Variants in INTS6 observed in about 807,000 individuals in gnomAD.
INTS6 encodes integrator complex subunit 6.
In INTS6, 16 loss-of-function variants were observed where a neutral mutation model predicts 104.9. That is an observed-to-expected ratio of 0.15 (90% CI 0.10 to 0.23). INTS6 has a LOEUF of 0.23. INTS6 is among the 10% of genes least tolerant of loss of function. The probability of loss-of-function intolerance (pLI) is 1.00; values close to 1 mark genes in which losing one functional copy is unlikely to be tolerated. For missense variants in INTS6, 584 were observed against 1,062.8 expected, an observed-to-expected ratio of 0.55 and a Z score of 6.26; for synonymous variants, 324 against 358.7, an observed-to-expected ratio of 0.90 and a Z score of 1.09.
intron 4 of INTS6, among the ~76,000 whole-genome samples, chr13:51,426,279 A>G (rs193054457): frequency 1.3e-5 from 2 of 152,178 alleles, no homozygotes; most frequent in Admixed American, 1.3e-4. Flanking sequence ...AGTTATAAGA[A>G]ATTGGTTCAT....
At chr13:51,440,503 C>T (rs1338748365) in intron 3 of INTS6, 2 of 152,110 alleles carry the variant, frequency 1.3e-5, no homozygotes, top group Non-Finnish European at 2.9e-5. Flanking sequence ...TGTACTGTCC[C>T]AGGCCTTCAC....
chr13:51,388,887 A>T (rs1047293959), intron 6 of INTS6, among the ~76,000 whole-genome samples: 3 of 87,028 alleles, frequency 3.4e-5, no homozygotes, highest in African/African-American at 2.7e-4. Context: ...CTGGTTCCTC[A>T]TTTTTGACCC....
chr13:51,389,459 AAG>A lies in INTS6; in HGVS notation c.614-17_614-16del. 5 of 1,428,100 alleles carry A rather than the reference AAG, an allele frequency of 3.5e-6. No homozygotes were observed. The highest frequency in any genetic ancestry group is 2.3e-5 in the Admixed American group (1 of 43,200). The allele number at this position is 1,428,100 out of a possible 1,614,324, so 88.5% of individuals were successfully genotyped here. A position where few individuals can be genotyped will look rare whatever the true frequency, so the allele number is the denominator to read the frequency against. On this transcript the variant is annotated splice_polypyrimidine_tract_variant and intron_variant, in intron 5 of 17. Coordinates refer to ENST00000311234, the MANE Select transcript of INTS6 (RefSeq NM_012141.3). ...ATATGAACGGCCTGAGATTAAAAAA[AAG>A]AAGAAGAAGAAGAAGAAGAATATAG...
At chr13:51,344,466 G>A in the INTS6 span, 1 of 1,590,896 alleles carries the variant, frequency 6.3e-7, no homozygotes, top group Non-Finnish European at 8.6e-7. Context: ...CTAGCGAAGG[G>A]GCCTCCAGAG....
chr13:51,373,147 C>T (rs550862614), intron 15 of INTS6, among the ~76,000 whole-genome samples: 5 of 151,278 alleles, frequency 3.3e-5, no homozygotes, highest in Non-Finnish European at 5.9e-5. Flanking sequence ...TTTCTCTGTC[C>T]CCTGTATTTC....
chr13:51,415,526 G>A (rs547917003), intron 4 of INTS6, among the ~76,000 whole-genome samples: 1 of 152,160 alleles, frequency 6.6e-6, no homozygotes, highest in East Asian at 1.9e-4. Flanking sequence ...TTAAAAACAG[G>A]AAGTTTCCCT....
chr13:51,365,780 T>C lies in INTS6; in HGVS notation c.2636A>G (p.Asn879Ser), dbSNP rs376986373. 133 of 1,598,432 alleles carry C rather than the reference T, an allele frequency of 8.3e-5. 1 individual carries two copies. The Middle Eastern group carries it at 9.1e-4, about 11-fold the overall frequency. ...NFLDEIHRRA[N>S]QINHINSN ...ATTGCTATTAATATGGTTGATCTGA[T>C]TGGCTCTTCGATGAATTTCATCCAA... Residue 879 changes from asparagine to serine, a missense_variant, in exon 18 of 18, where the codon AAT becomes AGT. By Grantham distance (46) the Asn-to-Ser change is conservative (BLOSUM62 1). Transcript: ENST00000311234.
chr13:51,429,785 A>AAAAAAAAAAAAAAATATATAT (rs1156333077), intron 4 of INTS6, among the ~76,000 whole-genome samples: 2 of 92,380 alleles, frequency 2.2e-5, no homozygotes, highest in African/African-American at 9.2e-5. Flanking sequence ...AAAAAAAAAA[A>AAAAAAAAAAAAAAATATATAT]ATATATATAT....
At chr13:51,419,887 A>G (rs1230290896) in intron 4 of INTS6, among the ~76,000 whole-genome samples, 1 of 152,218 alleles carries the variant, frequency 6.6e-6, no homozygotes, top group Admixed American at 6.5e-5. Context: ...AAAACAGGGT[A>G]TACACCAGCG....
chr13:51,347,386 C>T, the INTS6 span, among the ~76,000 whole-genome samples: 1 of 152,298 alleles, frequency 6.6e-6, no homozygotes, highest in East Asian at 1.9e-4. Flanking sequence ...GAAGGAAAGA[C>T]TAAGGTGCCC....
intron 4 of INTS6, among the ~76,000 whole-genome samples, chr13:51,404,538 A>C (rs544330927): frequency 6.6e-6 from 1 of 152,242 alleles, no homozygotes; most frequent in East Asian, 1.9e-4. Context: ...GGAAAAACAC[A>C]TATTCCATAA....
intron 3 of INTS6, among the ~76,000 whole-genome samples, chr13:51,434,052 A>G (rs1957143698): frequency 6.6e-6 from 1 of 152,336 alleles, no homozygotes; most frequent in African/African-American, 2.4e-5. Context: ...TCCTATTGGC[A>G]GCTGCTAAAT....
chr13:51,375,237 C>T (rs780808005), intron 13 of INTS6, among the ~76,000 whole-genome samples: 8 of 151,576 alleles, frequency 5.3e-5, no homozygotes, highest in Non-Finnish European at 8.8e-5. Flanking sequence ...CCTGTAATCC[C>T]AGCTACTAGG....
chr13:51,389,524 GA>G (rs1008532611), intron 5 of INTS6, 80 bp from the exon 6 acceptor site: 2 of 1,254,696 alleles, frequency 1.6e-6, no homozygotes, highest in Non-Finnish European at 1.0e-6. Flanking sequence ...TCATTAGCAA[GA>G]AAAAAACAAC....
At chr13:51,408,693 G>A (rs1956623097) in intron 4 of INTS6, among the ~76,000 whole-genome samples, 3 of 151,974 alleles carry the variant, frequency 2.0e-5, no homozygotes, top group Non-Finnish European at 4.4e-5. Flanking sequence ...AAAGAAGTAG[G>A]AAAAAAACTT....
the INTS6 span, among the ~76,000 whole-genome samples, chr13:51,343,152 C>T: frequency 2.2e-4 from 34 of 152,074 alleles, no homozygotes; most frequent in African/African-American, 7.7e-4. Context: ...GGGGACAGAC[C>T]CCAAGTGAGT....
At chr13:51,368,502 C>CT (rs1259446134) in intron 16 of INTS6, among the ~76,000 whole-genome samples, 4 of 152,248 alleles carry the variant, frequency 2.6e-5, no homozygotes, top group African/African-American at 9.6e-5. Flanking sequence ...TACCAGAGAG[C>CT]TTTCATAACT....
At chr13:51,418,974 T>C (rs1207081554) in intron 4 of INTS6, among the ~76,000 whole-genome samples, 2 of 152,172 alleles carry the variant, frequency 1.3e-5, no homozygotes, top group East Asian at 1.9e-4. Context: ...TCCCAAACAC[T>C]TCCAGGCAAG....
At chr13:51,432,768 G>A (rs1488715830) in intron 3 of INTS6, among the ~76,000 whole-genome samples, 1 of 152,142 alleles carries the variant, frequency 6.6e-6, no homozygotes, top group Non-Finnish European at 1.5e-5. Context: ...AGTATAAAAA[G>A]GAGCACTATC....
Sources: allele counts gnomAD v4.1 joint callset (sites outside exome capture counted in the v4.1 genomes callset), GRCh38; gene constraint gnomAD v4.1.1; transcripts MANE v1.5; gene names NCBI Gene and HGNC (gene_info 2026-07-23, HGNC 2026-07-21).